Variants in RBM20 observed in about 807,000 individuals in gnomAD.
The protein encoded by RBM20 is RNA-binding protein 20.
In RBM20, 51 loss-of-function variants were observed where a neutral mutation model predicts 110.1. The observed-to-expected ratio is 0.46, with a 90% confidence interval of 0.37 to 0.59. The LOEUF is 0.59. Among genes scored for constraint, RBM20 ranks in the 20% least tolerant of loss-of-function variants. RBM20 has a pLI of 0.00. For missense variants in RBM20, 1,512 were observed against 1,574.9 expected (o/e 0.96, Z 0.68); for synonymous variants, 589 against 618.2 (o/e 0.95, Z 0.70).
In RBM20 at chr10:110,739,681, G is replaced by A. The variant is rs899212194; in HGVS notation, c.192-41120G>A. Among the ~76,000 whole-genome samples, 8 of 152,312 alleles carry A rather than the reference G, an allele frequency of 5.3e-5. No homozygotes were observed. Among genetic ancestry groups the A allele is most frequent in the Middle Eastern group, 6.8e-3 (2 of 294 alleles). ...TCAATGTGAACATTCTAGCTGGGAC[G>A]CTTCCTTGTGGTACGACTTGGGGCA... On this transcript the variant is annotated intron_variant, in intron 1 of 13. Transcript: ENST00000369519. The surrounding 1 kb of genome is among the most constrained non-coding windows in gnomAD (Gnocchi z 4.1).
At chr10:110,774,640 T>C (rs993025690) in intron 1 of RBM20, among the ~76,000 whole-genome samples, 10 of 152,156 alleles carry the variant, frequency 6.6e-5, no homozygotes, top group African/African-American at 2.4e-4. Flanking sequence ...GCCAACTTCA[T>C]TGGCTTTTGC....
At chr10:110,692,812 C>A (rs536626889) in intron 1 of RBM20, among the ~76,000 whole-genome samples, 2 of 152,204 alleles carry the variant, frequency 1.3e-5, no homozygotes, top group East Asian at 3.9e-4. Flanking sequence ...GCATTCTTAT[C>A]TTGCTTCTGG....
In RBM20 at chr10:110,821,427, C is replaced by T; in HGVS notation, c.2808C>T (p.Asp936=). ...AGCTGGAAGAAATTGTGCCCATTGA[C>T]CAGAAAGACAAAATTTGCCCAGAAA... ...IPELEEIVPI[D]QKDKICPETC... is the part of the protein sequence containing the mutation. The change falls in exon 11 of 14, where the codon GAC becomes GAT. Residue 936 remains aspartate, a synonymous_variant. Transcript: ENST00000369519. 6.4e-7 allele frequency: 1 copy of T among 1,551,726 alleles called. No homozygotes were observed. Among genetic ancestry groups the T allele is most frequent in the Non-Finnish European group, 8.7e-7 (1 of 1,147,004 alleles).
chr10:110,804,392 C>T (rs1030860609), intron 7 of RBM20, among the ~76,000 whole-genome samples: 2 of 152,178 alleles, frequency 1.3e-5, no homozygotes, highest in African/African-American at 4.8e-5. Flanking sequence ...AAAGGGGCTG[C>T]ATATGAGGTC....
intron 9 of RBM20, among the ~76,000 whole-genome samples, chr10:110,818,347 T>C (rs1844868058): frequency 1.3e-5 from 2 of 150,624 alleles, no homozygotes; most frequent in East Asian, 3.9e-4. Flanking sequence ...CATTTTTGCA[T>C]TTTGGAATGA....
intron 1 of RBM20, among the ~76,000 whole-genome samples, chr10:110,727,119 C>T (rs1028468299): frequency 7.2e-6 from 1 of 138,978 alleles, no homozygotes; most frequent in Non-Finnish European, 1.5e-5. Flanking sequence ...GTTAGGATTA[C>T]AGGCGTGAGT....
chr10:110,675,263 A>G (rs541030081), intron 1 of RBM20, among the ~76,000 whole-genome samples: 1 of 152,276 alleles, frequency 6.6e-6, no homozygotes, highest in South Asian at 2.1e-4. Context: ...GAATAAGTTT[A>G]ATATTGAATT....
chr10:110,737,978 G>A (rs1163623892), intron 1 of RBM20, among the ~76,000 whole-genome samples: 2 of 152,166 alleles, frequency 1.3e-5, no homozygotes, highest in African/African-American at 2.4e-5. Context: ...ACCAGGTCTT[G>A]CCTGCTGCTA....
intron 13 of RBM20, 32 bp downstream of exon 13, chr10:110,831,214 A>G: frequency 1.9e-6 from 3 of 1,545,990 alleles, no homozygotes; most frequent in Non-Finnish European, 2.6e-6. Flanking sequence ...CCAGCATGCC[A>G]GGGGCTCCCC....
intron 5 of RBM20, among the ~76,000 whole-genome samples, chr10:110,785,529 G>A (rs933289334): frequency 1.8e-4 from 28 of 152,114 alleles, no homozygotes; most frequent in Admixed American, 1.5e-3. Flanking sequence ...GCACTCCAGC[G>A]CAGGTGACAG....
chr10:110,724,311 T>G (rs1292087760), intron 1 of RBM20, among the ~76,000 whole-genome samples: 4 of 152,226 alleles, frequency 2.6e-5, no homozygotes, highest in Admixed American at 1.3e-4. Flanking sequence ...GTAAAACATC[T>G]GCTCCAACAG....
intron 13 of RBM20, 144 bp downstream of exon 13, chr10:110,831,326 A>G: frequency 2.6e-6 from 2 of 778,410 alleles, no homozygotes; most frequent in South Asian, 2.1e-5. Context: ...GTTACTTGCC[A>G]TTCCCCAAGC....
At chr10:110,671,571 C>A (rs1181934743) in intron 1 of RBM20, among the ~76,000 whole-genome samples, 1 of 152,134 alleles carries the variant, frequency 6.6e-6, no homozygotes, top group Non-Finnish European at 1.5e-5. Context: ...GGGAGTGACA[C>A]AGTACCCACC....
intron 1 of RBM20, among the ~76,000 whole-genome samples, chr10:110,648,923 A>G (rs903544958): frequency 2.6e-5 from 4 of 152,222 alleles, no homozygotes; most frequent in Admixed American, 1.3e-4. Context: ...CCCATTAGTC[A>G]CAGTAAAGGA....
intron 7 of RBM20, 25 bp from the exon 8 acceptor site, chr10:110,810,358 A>C (rs1230381977): frequency 6.5e-7 from 1 of 1,536,870 alleles, no homozygotes; most frequent in Non-Finnish European, 8.8e-7. Context: ...CTCTGATCTG[A>C]TGGTGATCTC....
intron 1 of RBM20, among the ~76,000 whole-genome samples, chr10:110,716,145 G>C (rs1222378773): frequency 6.6e-6 from 1 of 152,286 alleles, no homozygotes; most frequent in East Asian, 1.9e-4. Flanking sequence ...AATAATTTAG[G>C]CATCCTCTGT....
chr10:110,666,032 G>A (rs1862173095), intron 1 of RBM20, among the ~76,000 whole-genome samples: 1 of 150,060 alleles, frequency 6.7e-6, no homozygotes, highest in African/African-American at 2.4e-5. Flanking sequence ...AGGAAGGAAG[G>A]AAGGAAAGAA....
intron 1 of RBM20, among the ~76,000 whole-genome samples, chr10:110,709,739 T>C (rs1013364676): frequency 6.6e-6 from 1 of 151,810 alleles, no homozygotes; most frequent in Admixed American, 6.6e-5. Flanking sequence ...GCTATTTTGT[T>C]TTTTTAATTT....
intron 1 of RBM20, among the ~76,000 whole-genome samples, chr10:110,755,718 CTT>C (rs1029664829): frequency 6.6e-6 from 1 of 152,154 alleles, no homozygotes; most frequent in Non-Finnish European, 1.5e-5. Context: ...AGGTGAGAGA[CTT>C]TTACTGGTTG....
Sources: allele counts gnomAD v4.1 joint callset (sites outside exome capture counted in the v4.1 genomes callset), GRCh38; gene constraint gnomAD v4.1.1; non-coding constraint Gnocchi (gnomAD v3.1); transcripts MANE v1.5; gene names NCBI Gene and HGNC (gene_info 2026-07-23, HGNC 2026-07-21).